The following DPYD variants were observed in gnomAD, a reference collection of about 807,000 sequenced individuals.
DPYD encodes dihydropyrimidine dehydrogenase.
In DPYD, 109 loss-of-function variants were observed where a neutral mutation model predicts 116.2. The ratio of observed to expected loss-of-function variants is 0.94; its 90% CI spans 0.80 to 1.10. The LOEUF is 1.10. Among genes scored for constraint, DPYD ranks in the 50% least tolerant of loss-of-function variants. The pLI is 0.00. For missense variants in DPYD, 1,302 were observed against 1,254.5 expected, an observed-to-expected ratio of 1.04 and a Z score of -0.57; for synonymous variants, 440 against 432.0, an observed-to-expected ratio of 1.02 and a Z score of -0.23.
chr1:97,141,581 T>C lies in DPYD; in HGVS notation c.2623-42949A>G, dbSNP rs140721047. Among the ~76,000 whole-genome samples, 543 of 152,298 alleles carry C rather than the reference T, an allele frequency of 3.6e-3. 3 individuals carry two copies. Among genetic ancestry groups the C allele is most frequent in the African/African-American group, 0.013 (529 of 41,572 alleles). ...ACCTGTCTCCTGACTTCCATACTTT[T>C]GAGCTCCCTTGCCTTCTCCACCCTT... On this transcript the variant is annotated intron_variant, in intron 20 of 22. Transcript: ENST00000370192.
At chr1:97,242,432 C>T (rs34346385) in intron 18 of DPYD, among the ~76,000 whole-genome samples, 19,641 of 150,692 alleles carry the variant, frequency 0.13, 1,366 homozygotes, top group South Asian at 0.25. Context: ...ATATGGTATG[C>T]TCCCATTGTT....
At chr1:97,355,735 T>C (rs1378023545) in intron 16 of DPYD, among the ~76,000 whole-genome samples, 2 of 152,196 alleles carry the variant, frequency 1.3e-5, no homozygotes, top group Non-Finnish European at 2.9e-5. Flanking sequence ...GTTCCAGTCA[T>C]ATTGTTCCAA....
chr1:97,180,887 T>C (rs72965902), intron 20 of DPYD, among the ~76,000 whole-genome samples: 19,502 of 152,160 alleles, frequency 0.13, 1,610 homozygotes, highest in African/African-American at 0.23. Context: ...AAGGAACTTA[T>C]GGGAGAATGA....
chr1:97,142,393 T>G (rs1354955100), intron 20 of DPYD, among the ~76,000 whole-genome samples: 1 of 152,252 alleles, frequency 6.6e-6, no homozygotes, highest in Middle Eastern at 3.4e-3. Context: ...GTTTCCTTCA[T>G]ATGGTTCTAC....
chr1:97,391,255 T>C (rs1356165212), intron 14 of DPYD, among the ~76,000 whole-genome samples: 1 of 151,978 alleles, frequency 6.6e-6, no homozygotes, highest in African/African-American at 2.4e-5. Context: ...TTTTCCTAAG[T>C]GCAAGAATTG....
chr1:97,771,486 AAGG>A (rs1269192176), intron 3 of DPYD, among the ~76,000 whole-genome samples: 1 of 152,186 alleles, frequency 6.6e-6, no homozygotes, highest in Non-Finnish European at 1.5e-5. Flanking sequence ...CAAATAAATG[AAGG>A]AGATGAAATT....
intron 18 of DPYD, among the ~76,000 whole-genome samples, chr1:97,252,240 G>A (rs1481270920): frequency 2.0e-5 from 3 of 152,136 alleles, no homozygotes; most frequent in Non-Finnish European, 2.9e-5. Flanking sequence ...TACTGGCATG[G>A]ATATGCAGGC....
intron 2 of DPYD, among the ~76,000 whole-genome samples, chr1:97,834,317 A>G (rs1669663633): frequency 6.6e-6 from 1 of 152,042 alleles, no homozygotes; most frequent in African/African-American, 2.4e-5. Context: ...AATGGGTGCT[A>G]GATAGTATGC....
chr1:97,841,283 T>C (rs917162678), intron 2 of DPYD, among the ~76,000 whole-genome samples: 4 of 152,068 alleles, frequency 2.6e-5, no homozygotes, highest in Admixed American at 1.3e-4. Context: ...CACTCATCAT[T>C]ATTCCCTGAA....
intron 13 of DPYD, 136 bp from the exon 14 acceptor site, chr1:97,450,359 T>A: frequency 1.2e-6 from 1 of 849,160 alleles, no homozygotes; most frequent in Non-Finnish European, 1.8e-6. Context: ...TAATATACAT[T>A]AAATTAGAAT....
At position 97,781,601 on chromosome 1, in the gene DPYD, C is replaced by T. The variant is rs189848287; in HGVS notation, c.234-41122G>A. ...GATTTATATCAACCTGAATCACATCCTAAATGTATATGTGATCCTAATGAT... is the reference window on the plus strand; with the variant it reads ...GATTTATATCAACCTGAATCACATCTTAAATGTATATGTGATCCTAATGAT... On this transcript the variant is annotated intron_variant, in intron 3 of 22. Coordinates refer to ENST00000370192, the MANE Select transcript of DPYD (RefSeq NM_000110.4). Among the ~76,000 whole-genome samples the T allele has an allele frequency of 1.2e-3, 189 of 152,184 alleles. No individual in the cohort carries two copies. The Middle Eastern group carries it at 0.024, about 19-fold the overall frequency.
chr1:97,328,632 A>G lies in DPYD; in HGVS notation c.2059-22335T>C, dbSNP rs1383909529. Among the ~76,000 whole-genome samples the G allele has an allele frequency of 2.6e-5, 4 of 152,300 alleles. No homozygotes were observed. The East Asian group carries it at 5.8e-4, about 22-fold the overall frequency. Reference sequence around the variant, plus strand: ...TTGTTATATAACTGGATACTATGATAAAATTATTTGAAAAGTATCAATAGT... The same window carrying G: ...TTGTTATATAACTGGATACTATGATGAAATTATTTGAAAAGTATCAATAGT... On this transcript the variant is annotated intron_variant, in intron 16 of 22. Coordinates refer to ENST00000370192, the MANE Select transcript of DPYD (RefSeq NM_000110.4).
At chr1:97,426,056 T>C (rs1049640173) in intron 14 of DPYD, among the ~76,000 whole-genome samples, 8 of 151,978 alleles carry the variant, frequency 5.3e-5, no homozygotes, top group African/African-American at 1.9e-4. Context: ...TTTTTCAAAA[T>C]TAAAAGAAAG....
At chr1:97,399,533 T>A (rs1193388237) in intron 14 of DPYD, among the ~76,000 whole-genome samples, 1 of 152,200 alleles carries the variant, frequency 6.6e-6, no homozygotes, top group Admixed American at 6.5e-5. Flanking sequence ...ATAAATTACC[T>A]TGGGCAGTAT....
At position 97,628,722 on chromosome 1, in the gene DPYD, T is replaced by G. The variant is rs148962610; in HGVS notation, c.851-33556A>C. 6.1e-3 allele frequency among the ~76,000 whole-genome samples: 935 copies of G among 152,044 alleles called. 5 individuals carry two copies. Among genetic ancestry groups the G allele is most frequent in the Middle Eastern group, 0.01 (3 of 294 alleles). ...TATATGCATACATGCAAAAAAAAAG[T>G]GGCTAGAAGAAAAATTCAGCACCAC... On this transcript the variant is annotated intron_variant, in intron 8 of 22. Coordinates refer to ENST00000370192, the MANE Select transcript of DPYD (RefSeq NM_000110.4).
intron 8 of DPYD, among the ~76,000 whole-genome samples, chr1:97,678,499 T>C (rs1306771824): frequency 6.6e-6 from 1 of 152,178 alleles, no homozygotes; most frequent in Non-Finnish European, 1.5e-5. Flanking sequence ...ACTTGTTCTC[T>C]CTGGTCTCTC....
chr1:97,358,918 C>T (rs1670561830), intron 16 of DPYD, among the ~76,000 whole-genome samples: 1 of 152,112 alleles, frequency 6.6e-6, no homozygotes, highest in Admixed American at 6.5e-5. Flanking sequence ...CAAAGGATCA[C>T]AGCTCCTCGG....
At chr1:97,302,782 A>G (rs1261952587) in intron 18 of DPYD, among the ~76,000 whole-genome samples, 1 of 152,020 alleles carries the variant, frequency 6.6e-6, no homozygotes, top group African/African-American at 2.4e-5. Context: ...TATCCCAACT[A>G]TATGCAAAGC....
chr1:97,124,762 C>T (rs138707567), intron 20 of DPYD, among the ~76,000 whole-genome samples: 3 of 152,258 alleles, frequency 2.0e-5, no homozygotes, highest in Admixed American at 1.3e-4. Flanking sequence ...ATTTGTGCAT[C>T]CACACAGTGA....
Sources: allele counts gnomAD v4.1 joint callset (sites outside exome capture counted in the v4.1 genomes callset), GRCh38; gene constraint gnomAD v4.1.1; transcripts MANE v1.5; gene names NCBI Gene and HGNC (gene_info 2026-07-23, HGNC 2026-07-21).